NR3C2: variants seen among roughly 807,000 people sequenced by gnomAD.
NR3C2 encodes the protein mineralocorticoid receptor.
NR3C2 carries 15 observed loss-of-function variants against 86.4 expected under a neutral mutation model. The ratio of observed to expected loss-of-function variants is 0.17; its 90% confidence interval spans 0.12 to 0.27. The LOEUF (loss-of-function observed/expected upper bound fraction) is 0.27, where lower values mean the gene tolerates loss of function less well. Among genes scored for constraint, NR3C2 ranks in the 10% least tolerant of loss-of-function variants. The probability of loss-of-function intolerance (pLI) is 1.00; values close to 1 mark genes in which losing one functional copy is unlikely to be tolerated. For missense variants in NR3C2, 960 were observed against 1,195.6 expected, an observed-to-expected ratio of 0.80 and a Z score of 2.91; for synonymous variants, 458 against 450.5, an observed-to-expected ratio of 1.02 and a Z score of -0.21.
chr4:148,249,444 C>T (rs1181803222), intron 3 of NR3C2, among the ~76,000 whole-genome samples: 1 of 152,172 alleles, frequency 6.6e-6, no homozygotes, highest in Non-Finnish European at 1.5e-5. Context: ...TACTTTTCAG[C>T]TGATTTGCTA....
At chr4:148,306,744 T>C (rs1041505660) in intron 2 of NR3C2, among the ~76,000 whole-genome samples, 4 of 152,162 alleles carry the variant, frequency 2.6e-5, no homozygotes, top group African/African-American at 9.7e-5. Context: ...TAACAGATGG[T>C]TTCCAAACAC....
At chr4:148,383,013 A>G (rs557624300) in intron 2 of NR3C2, among the ~76,000 whole-genome samples, 137 of 152,332 alleles carry the variant, frequency 9.0e-4, no homozygotes, top group African/African-American at 3.2e-3. Context: ...TTGCAACGAT[A>G]AATAAATATA....
At chr4:148,267,064 G>T (rs546388727) in intron 2 of NR3C2, among the ~76,000 whole-genome samples, 1 of 152,212 alleles carries the variant, frequency 6.6e-6, no homozygotes, top group South Asian at 2.1e-4. Flanking sequence ...TCTACCCAAA[G>T]GAAAAACTAG....
upstream of NR3C2, chr4:148,442,860 C>G (rs1188243181): frequency 4.1e-6 from 4 of 985,292 alleles, no homozygotes; most frequent in Admixed American, 1.8e-4. Context: ...TGACCGACCC[C>G]AGGATATCTG....
At chr4:148,111,410 A>G (rs74665558) in intron 8 of NR3C2, among the ~76,000 whole-genome samples, 4,178 of 152,290 alleles carry the variant, frequency 0.027, 185 homozygotes, top group African/African-American at 0.094. Flanking sequence ...TTGGAAAACC[A>G]TTTGGCAGTT....
chr4:148,212,814 G>T (rs1278750208), intron 3 of NR3C2, among the ~76,000 whole-genome samples: 2 of 152,200 alleles, frequency 1.3e-5, no homozygotes, highest in East Asian at 3.8e-4. Context: ...TTATTGTGTG[G>T]TTTTAGCCTC....
At chr4:148,262,222 C>T (rs6855341) in intron 2 of NR3C2, among the ~76,000 whole-genome samples, 30,309 of 151,922 alleles carry the variant, frequency 0.2, 3,088 homozygotes, top group Admixed American at 0.27. Flanking sequence ...GATTTTTATT[C>T]GACATTTCTG....
At chr4:148,428,016 T>C (rs529520049) in intron 2 of NR3C2, among the ~76,000 whole-genome samples, 66 of 152,208 alleles carry the variant, frequency 4.3e-4, no homozygotes, top group Admixed American at 6.5e-4. Flanking sequence ...TCAAAGTACC[T>C]TCCACAAAAT....
intron 2 of NR3C2, among the ~76,000 whole-genome samples, chr4:148,384,898 T>G (rs1579234653): frequency 6.6e-6 from 1 of 152,222 alleles, no homozygotes; most frequent in South Asian, 2.1e-4. Flanking sequence ...GCTACATAAC[T>G]AGGCCATCAG....
At chr4:148,092,852 A>G (rs1167475505) in intron 8 of NR3C2, among the ~76,000 whole-genome samples, 1 of 152,128 alleles carries the variant, frequency 6.6e-6, no homozygotes, top group East Asian at 1.9e-4. Flanking sequence ...GGTCATAGCG[A>G]CGAAGCCAAA....
chr4:148,385,234 T>C (rs754343568), intron 2 of NR3C2, among the ~76,000 whole-genome samples: 10 of 152,178 alleles, frequency 6.6e-5, no homozygotes, highest in South Asian at 2.1e-4. Context: ...CATTATATAA[T>C]AGGAAGAAAC....
At chr4:148,399,997 A>G (rs1011311728) in intron 2 of NR3C2, among the ~76,000 whole-genome samples, 3 of 151,994 alleles carry the variant, frequency 2.0e-5, no homozygotes, top group Non-Finnish European at 4.4e-5. Flanking sequence ...AGCTTCTTTC[A>G]ACTTATCTTA....
At chr4:148,177,627 G>A (rs1735437576) in intron 4 of NR3C2, among the ~76,000 whole-genome samples, 1 of 152,210 alleles carries the variant, frequency 6.6e-6, no homozygotes, top group Non-Finnish European at 1.5e-5. Context: ...GTAAGTGAAT[G>A]CAATGTTTAC....
At chr4:148,176,805 T>C (rs1237905315) in intron 4 of NR3C2, among the ~76,000 whole-genome samples, 1 of 152,200 alleles carries the variant, frequency 6.6e-6, no homozygotes, top group Non-Finnish European at 1.5e-5. Context: ...AATGAATGGA[T>C]TCATCAGAGA....
rs72656890 is a variant in NR3C2, at chr4:148,386,622, G to A, written c.1757+48482C>T. Among the ~76,000 whole-genome samples the A allele has an allele frequency of 2.1e-3, 319 of 152,280 alleles. 1 individual carries two copies. The highest frequency in any genetic ancestry group is 7.2e-3 in the African/African-American group (300 of 41,572). On this transcript the variant is annotated intron_variant, in intron 2 of 8. Coordinates refer to ENST00000358102, the MANE Select transcript of NR3C2 (RefSeq NM_000901.5). Reference sequence around the variant, plus strand: ...GAAACCCTTATGCCAAGAATGAAGCGATTTGTTCAGCAGAACAAAGTCAGA... The same window carrying A: ...GAAACCCTTATGCCAAGAATGAAGCAATTTGTTCAGCAGAACAAAGTCAGA...
intron 7 of NR3C2, among the ~76,000 whole-genome samples, chr4:148,117,790 C>T (rs967809997): frequency 6.6e-6 from 1 of 152,136 alleles, no homozygotes; most frequent in East Asian, 1.9e-4. Flanking sequence ...AATCCTGAGC[C>T]CCTTGGCTAG....
chr4:148,444,655 A>T, upstream of NR3C2: 1 of 985,664 alleles, frequency 1.0e-6, no homozygotes, highest in Non-Finnish European at 1.2e-6. Flanking sequence ...GAGGATGATA[A>T]TCCCGGCAGT....
At chr4:148,272,669 C>G (rs554430737) in intron 2 of NR3C2, among the ~76,000 whole-genome samples, 1 of 152,246 alleles carries the variant, frequency 6.6e-6, no homozygotes, top group South Asian at 2.1e-4. Flanking sequence ...ACCAAAATAA[C>G]TTTCATCTTT....
chr4:148,303,135 A>G (rs1003493903), intron 2 of NR3C2, among the ~76,000 whole-genome samples: 5 of 152,180 alleles, frequency 3.3e-5, no homozygotes, highest in Non-Finnish European at 4.4e-5. Flanking sequence ...GTGCTATCAT[A>G]ATTTTTTTTT....
Sources: gnomAD v4.1 joint callset for allele counts (sites outside exome capture counted in the v4.1 genomes callset) on GRCh38, gnomAD v4.1.1 for gene constraint, MANE v1.5 for transcripts, NCBI Gene and HGNC (gene_info 2026-07-23, HGNC 2026-07-21) for gene names.